Variants in ALG5 observed in about 807,000 individuals in gnomAD.
ALG5 encodes the protein ALG5 dolichyl-phosphate beta-glucosyltransferase.
In ALG5, 26 loss-of-function variants were observed where a neutral mutation model predicts 51.8. That is an observed-to-expected ratio of 0.50 (90% CI 0.37 to 0.70). The LOEUF (loss-of-function observed/expected upper bound fraction) is 0.70. ALG5 is among the 30% of genes least tolerant of loss of function. ALG5 has a pLI of 0.00. For missense variants in ALG5, 311 were observed against 399.3 expected (o/e 0.78, Z 1.88); for synonymous variants, 141 against 136.1 (o/e 1.04, Z -0.25).
chr13:36,962,482 T>C (rs1043694937), intron 8 of ALG5, among the ~76,000 whole-genome samples: 15 of 152,096 alleles, frequency 9.9e-5, no homozygotes, highest in Non-Finnish European at 1.6e-4. Flanking sequence ...AATCTTGTTT[T>C]TTCCCTAATA....
At chr13:36,977,096 T>C (rs9547711) in intron 6 of ALG5, among the ~76,000 whole-genome samples, 55,968 of 152,094 alleles carry the variant, frequency 0.37, 11,310 homozygotes, top group Non-Finnish European at 0.46. Flanking sequence ...CCAAGAGCTT[T>C]TAAGAGTTTT....
intron 1 of ALG5, among the ~76,000 whole-genome samples, chr13:36,996,606 T>C (rs2059051889): frequency 6.6e-6 from 1 of 152,140 alleles, no homozygotes; most frequent in Non-Finnish European, 1.5e-5. Context: ...GATCAAACCA[T>C]GAAAAATACT....
chr13:36,995,977 T>C (rs1480634587), intron 1 of ALG5, among the ~76,000 whole-genome samples: 1 of 152,106 alleles, frequency 6.6e-6, no homozygotes, highest in Non-Finnish European at 1.5e-5. Context: ...CACACACATA[T>C]AGTAAGGTCC....
At chr13:36,993,132 A>G (rs1593686607) in intron 4 of ALG5, among the ~76,000 whole-genome samples, 2 of 152,192 alleles carry the variant, frequency 1.3e-5, no homozygotes, top group African/African-American at 2.4e-5. Context: ...GCTTGTGTTC[A>G]TAACTTTCAC....
chr13:36,971,649 CAAAAAAA>C lies in ALG5; in HGVS notation c.621+321_621+327del, dbSNP rs35424140. Among the ~76,000 whole-genome samples the C allele has an allele frequency of 1.2e-4, 6 of 50,688 alleles. No individual in the cohort carries two copies. In the Admixed American group the frequency reaches 2.0e-3, roughly 17 times the overall value. The allele number at this position is 50,688 out of a possible 152,430, so 33.3% of individuals were successfully genotyped here. ...GGGCAACAGAGGGAGACTCCGTCTC[CAAAAAAA>C]AAAAAAAAAAAAAAGCGTAATTTAA... is the stretch of plus-strand genomic sequence containing the variant. On this transcript the variant is annotated intron_variant, in intron 7 of 9. Coordinates refer to ENST00000239891, the MANE Select transcript of ALG5 (RefSeq NM_013338.5).
chr13:36,996,554 C>T (rs1398463335), intron 1 of ALG5, among the ~76,000 whole-genome samples: 2 of 152,074 alleles, frequency 1.3e-5, no homozygotes, highest in South Asian at 2.1e-4. Context: ...AGAATCTGAT[C>T]GTCCTCCCAC....
Position 36,989,539 on chromosome 13 carries a change from T to A in ALG5, c.392A>T (p.Lys131Ile), listed in dbSNP as rs1310565226. ...CTTCACCAGGGTTATCACACGTACT[T>A]TGTCACTTCCATATTTCTGGCAATA... The part of the protein sequence containing the change: ...FKYCQKYGSD[K>I]VRVITLVKNR... Residue 131 changes from lysine to isoleucine, a missense_variant, in exon 5 of 10, where the codon AAA becomes ATA. Physicochemically the swap from Lys to Ile is moderately radical, Grantham distance 102. Transcript: ENST00000239891. 1 of 1,612,918 alleles carries A rather than the reference T, an allele frequency of 6.2e-7. No individual in the cohort carries two copies. The highest frequency in any genetic ancestry group is 1.3e-5 in the African/African-American group (1 of 75,046).
At position 36,985,647 on chromosome 13, in the gene ALG5, T is replaced by C; in HGVS notation, c.541A>G (p.Asn181Asp). The C allele has an allele frequency of 6.2e-7, 1 of 1,613,538 alleles. No homozygotes were observed. Among genetic ancestry groups the C allele is most frequent in the Non-Finnish European group, 8.5e-7 (1 of 1,179,660 alleles). ...PDVEKLEKGL[N>D]DLQPWPNQMA... The stretch of plus-strand genomic sequence containing the variant: ...CTCACAGGCCAAGGCTGTAGATCAT[T>C]TAGCCCCTTTTCTAATTTCTCAACA... Residue 181 changes from asparagine (N) to aspartate (D), a missense_variant, in exon 6 of 10, where the codon AAT (asparagine) becomes GAT (aspartate). Coordinates refer to ENST00000239891, the MANE Select transcript of ALG5 (RefSeq NM_013338.5).
At chr13:36,995,158 G>A in intron 2 of ALG5, 123 bp from the exon 3 acceptor site, 2 of 867,718 alleles carry the variant, frequency 2.3e-6, no homozygotes, top group Non-Finnish European at 3.6e-6. Context: ...TTTCCCAATG[G>A]TCATTCCCAT....
At chr13:36,968,292 C>G (rs1486117117) in intron 7 of ALG5, among the ~76,000 whole-genome samples, 1 of 152,038 alleles carries the variant, frequency 6.6e-6, no homozygotes, top group Non-Finnish European at 1.5e-5. Context: ...ACGCTAGTAT[C>G]TTCAATGTTT....
intron 6 of ALG5, among the ~76,000 whole-genome samples, chr13:36,980,699 G>A (rs779544362): frequency 2.2e-4 from 34 of 152,092 alleles, no homozygotes; most frequent in Non-Finnish European, 3.5e-4. Context: ...TTGGCTGAGC[G>A]TGGTGGCCCA....
intron 8 of ALG5, among the ~76,000 whole-genome samples, chr13:36,960,136 T>C (rs1337577366): frequency 6.6e-6 from 1 of 152,224 alleles, no homozygotes; most frequent in East Asian, 1.9e-4. Flanking sequence ...CAAATGTGAA[T>C]TATTTTCACA....
chr13:36,995,672 C>T (rs2059046218), intron 1 of ALG5, 76 bp from the exon 2 acceptor site: 1 of 1,355,984 alleles, frequency 7.4e-7, no homozygotes. Flanking sequence ...TGTTAGAATA[C>T]ATCATCTACT....
At chr13:36,977,069 T>C (rs2058955395) in intron 6 of ALG5, among the ~76,000 whole-genome samples, 1 of 152,248 alleles carries the variant, frequency 6.6e-6, no homozygotes, top group South Asian at 2.1e-4. Context: ...ATCTCGTTTT[T>C]ATCTCAGCAT....
intron 4 of ALG5, among the ~76,000 whole-genome samples, chr13:36,991,167 G>C (rs138860898): frequency 6.6e-6 from 1 of 152,020 alleles, no homozygotes; most frequent in Admixed American, 6.5e-5. Flanking sequence ...ACCATACCAC[G>C]GTCTTACACT....
chr13:36,970,947 G>T (rs1358143217), intron 7 of ALG5, among the ~76,000 whole-genome samples: 1 of 152,052 alleles, frequency 6.6e-6, no homozygotes, highest in Non-Finnish European at 1.5e-5. Context: ...GAGAGTCTGG[G>T]TTTTTGTACT....
At chr13:36,992,991 C>G (rs939815071) in intron 4 of ALG5, among the ~76,000 whole-genome samples, 1 of 152,122 alleles carries the variant, frequency 6.6e-6, no homozygotes, top group Non-Finnish European at 1.5e-5. Context: ...TCAAGGGCCA[C>G]CAAAAAAGTG....
At chr13:36,971,908 G>C in intron 7 of ALG5, 69 bp downstream of exon 7, 1 of 1,232,768 alleles carries the variant, frequency 8.1e-7, no homozygotes, top group East Asian at 2.5e-5. Flanking sequence ...TTTCTTGCCA[G>C]ATATATATAT....
chr13:36,964,919 CAA>C (rs34435719), intron 8 of ALG5, among the ~76,000 whole-genome samples: 3 of 136,844 alleles, frequency 2.2e-5, no homozygotes, highest in Non-Finnish European at 3.1e-5. Flanking sequence ...GAGCGAAACT[CAA>C]AAAAAAAAAA....
Sources: gnomAD v4.1 joint callset for allele counts (sites outside exome capture counted in the v4.1 genomes callset) on GRCh38, gnomAD v4.1.1 for gene constraint, MANE v1.5 for transcripts, NCBI Gene and HGNC (gene_info 2026-07-23, HGNC 2026-07-21) for gene names.